The following SDCCAG8 variants were observed in gnomAD, a reference collection of about 807,000 sequenced individuals.
The protein encoded by SDCCAG8 is SHH signaling and ciliogenesis regulator SDCCAG8.
Under a neutral mutation model 101.8 loss-of-function variants are expected in SDCCAG8, and 74 were observed. That is an observed-to-expected ratio of 0.73 (90% CI 0.60 to 0.88). The LOEUF is 0.88. Among genes scored for constraint, SDCCAG8 ranks in the 40% least tolerant of loss-of-function variants. The probability of loss-of-function intolerance (pLI) is 0.00; values close to 1 mark genes in which losing one functional copy is unlikely to be tolerated. For synonymous variants in SDCCAG8, 281 were observed against 292.9 expected, an observed-to-expected ratio of 0.96 and a Z score of 0.41; for missense variants, 787 against 822.6, an observed-to-expected ratio of 0.96 and a Z score of 0.53.
chr1:243,437,609 T>C (rs918206112), intron 16 of SDCCAG8, among the ~76,000 whole-genome samples: 1 of 151,066 alleles, frequency 6.6e-6, no homozygotes, highest in Non-Finnish European at 1.5e-5. Context: ...CCATCTCGGC[T>C]GACTGCAAGC....
chr1:243,263,865 A>G (rs2067377869), intron 1 of SDCCAG8, among the ~76,000 whole-genome samples: 1 of 152,146 alleles, frequency 6.6e-6, no homozygotes, highest in Non-Finnish European at 1.5e-5. Context: ...TCTGCTGTTT[A>G]TATCTTGGTA....
intron 13 of SDCCAG8, among the ~76,000 whole-genome samples, chr1:243,397,993 A>G (rs2079131912): frequency 1.3e-5 from 2 of 152,242 alleles, no homozygotes; most frequent in Admixed American, 1.3e-4. Flanking sequence ...AAATTTTACT[A>G]CATTACATTT....
At chr1:243,258,476 C>T (rs898933811) in intron 1 of SDCCAG8, among the ~76,000 whole-genome samples, 1 of 152,214 alleles carries the variant, frequency 6.6e-6, no homozygotes, top group Non-Finnish European at 1.5e-5. Context: ...GCCATCTCGG[C>T]TCACTGCAGC....
intron 9 of SDCCAG8, among the ~76,000 whole-genome samples, chr1:243,321,187 T>C (rs746996375): frequency 1.3e-5 from 2 of 152,090 alleles, no homozygotes; most frequent in Non-Finnish European, 2.9e-5. Context: ...TACCTCCATT[T>C]GAGAACCACT....
intron 16 of SDCCAG8, among the ~76,000 whole-genome samples, chr1:243,469,830 G>GTTTTTTTTTTTTT (rs746906257): frequency 3.2e-5 from 4 of 123,526 alleles, no homozygotes; most frequent in African/African-American, 1.3e-4. Context: ...GAAAGTGTTG[G>GTTTTTTTTTTTTT]TTTTTTTTTT....
intron 13 of SDCCAG8, among the ~76,000 whole-genome samples, chr1:243,402,273 CA>C (rs1332235538): frequency 6.6e-6 from 1 of 151,728 alleles, no homozygotes; most frequent in Non-Finnish European, 1.5e-5. Context: ...ACTAAAAATA[CA>C]AAAAAATTAG....
intron 9 of SDCCAG8, among the ~76,000 whole-genome samples, chr1:243,329,740 A>G (rs554733375): frequency 6.6e-6 from 1 of 152,240 alleles, no homozygotes; most frequent in South Asian, 2.1e-4. Flanking sequence ...ACAAAAAAAG[A>G]CCTCCCCAAA....
Position 243,474,312 on chromosome 1 carries a change from CCTT to C in SDCCAG8, c.1986-14699_1986-14697del, listed in dbSNP as rs770380828. On this transcript the variant is annotated intron_variant, in intron 16 of 17. Transcript: ENST00000366541. The surrounding 1 kb of genome is among the most constrained non-coding windows in gnomAD (Gnocchi z 4.7). ...AACCGTCATCCCGGTTTAATCCTCTCCTTCTGCCAAAGTCCAGAGGCCCTGCGA... is the reference window on the plus strand; with the variant it reads ...AACCGTCATCCCGGTTTAATCCTCTCCTGCCAAAGTCCAGAGGCCCTGCGA... Among the ~76,000 whole-genome samples, 33 of 152,218 alleles carry C rather than the reference CCTT, an allele frequency of 2.2e-4. No homozygotes were observed. The highest frequency in any genetic ancestry group is 4.6e-4 in the Non-Finnish European group (31 of 68,040).
intron 15 of SDCCAG8, among the ~76,000 whole-genome samples, chr1:243,419,244 G>T (rs2080821337): frequency 6.6e-6 from 1 of 151,974 alleles, no homozygotes; most frequent in African/African-American, 2.4e-5. Context: ...TTGTATTTTG[G>T]TAGGGGAAAA....
chr1:243,308,272 A>T, intron 8 of SDCCAG8, 95 bp downstream of exon 8: 1 of 1,283,166 alleles, frequency 7.8e-7, no homozygotes, highest in Non-Finnish European at 1.1e-6. Flanking sequence ...GCTAAGTCAC[A>T]TGTGATTATT....
intron 12 of SDCCAG8, among the ~76,000 whole-genome samples, chr1:243,369,819 C>T (rs1051937808): frequency 6.6e-6 from 1 of 152,074 alleles, no homozygotes; most frequent in Non-Finnish European, 1.5e-5. Context: ...AAACTCCACA[C>T]CATTGACAGA....
chr1:243,296,535 C>T (rs371237243), intron 6 of SDCCAG8, among the ~76,000 whole-genome samples: 5 of 57,946 alleles, frequency 8.6e-5, no homozygotes, highest in East Asian at 6.7e-4. Flanking sequence ...CCCAACTGCT[C>T]TTTTTTTTTT....
chr1:243,344,892 T>C (rs912382253), intron 12 of SDCCAG8, among the ~76,000 whole-genome samples: 2 of 152,218 alleles, frequency 1.3e-5, no homozygotes, highest in Non-Finnish European at 2.9e-5. Context: ...TTTTATGTTA[T>C]ATCTTTATTG....
chr1:243,484,458 A>C (rs916369542), intron 16 of SDCCAG8, among the ~76,000 whole-genome samples: 1 of 152,228 alleles, frequency 6.6e-6, no homozygotes, highest in Admixed American at 6.5e-5. Context: ...AAAGTGGCAT[A>C]ATAATTAGTT....
rs1327649874 is a variant in SDCCAG8 at position 243,256,128 on chromosome 1, G to A, written c.-46G>A. On this transcript the variant is annotated 5_prime_UTR_variant, in exon 1 of 18. Coordinates refer to ENST00000366541, the MANE Select transcript of SDCCAG8 (RefSeq NM_006642.5). Reference sequence around the variant, plus strand: ...TGTTGTTCTCGGAAGGGAGAAAGCTGGACATTTCCCCACGTAACTCCCAGC... The same window carrying A: ...TGTTGTTCTCGGAAGGGAGAAAGCTAGACATTTCCCCACGTAACTCCCAGC... 2 of 1,564,350 alleles carry A rather than the reference G, an allele frequency of 1.3e-6. No individual in the cohort carries two copies. Among genetic ancestry groups the A allele is most frequent in the Non-Finnish European group, 8.8e-7 (1 of 1,134,846 alleles).
chr1:243,476,289 A>G (rs1421820146), intron 16 of SDCCAG8: 2 of 985,344 alleles, frequency 2.0e-6, no homozygotes, highest in African/African-American at 3.5e-5. Context: ...TTCAGCATTG[A>G]CGGTTCCGTA....
chr1:243,385,110 C>T (rs527339158), intron 13 of SDCCAG8, among the ~76,000 whole-genome samples: 4 of 152,218 alleles, frequency 2.6e-5, no homozygotes, highest in Admixed American at 6.5e-5. Flanking sequence ...ATGAGTAGAT[C>T]GGGTGTGGTG....
At chr1:243,301,706 G>C (rs572196349) in intron 6 of SDCCAG8, among the ~76,000 whole-genome samples, 1 of 151,962 alleles carries the variant, frequency 6.6e-6, no homozygotes, top group Admixed American at 6.6e-5. Context: ...ATTTTATATG[G>C]GTACAGGATT....
Position 243,500,051 on chromosome 1 carries a change from AG to A in SDCCAG8, c.*268del. ...GTTTAAATCTGCTCATTCGTATGCTAGGTTATACATATGATTTTCAATAAAT... is the reference window on the plus strand; with the variant it reads ...GTTTAAATCTGCTCATTCGTATGCTAGTTATACATATGATTTTCAATAAAT... On this transcript the variant is annotated 3_prime_UTR_variant, in exon 18 of 18. Coordinates refer to ENST00000366541, the MANE Select transcript of SDCCAG8 (RefSeq NM_006642.5). 1 of 499,128 alleles carries A rather than the reference AG, an allele frequency of 2.0e-6. No individual in the cohort carries two copies. 30.9% of individuals were successfully genotyped at this position (499,128 alleles called of 1,614,324 possible).
Sources: allele counts gnomAD v4.1 joint callset (sites outside exome capture counted in the v4.1 genomes callset), GRCh38; gene constraint gnomAD v4.1.1; non-coding constraint Gnocchi (gnomAD v3.1); transcripts MANE v1.5; gene names NCBI Gene and HGNC (gene_info 2026-07-23, HGNC 2026-07-21).